LRRC49: variants seen among roughly 807,000 people sequenced by gnomAD.
The protein encoded by LRRC49 is leucine rich repeat containing 49, also known as leucine-rich repeat-containing protein 49.
In LRRC49, 50 loss-of-function variants were observed where a neutral mutation model predicts 83.3. That is an observed-to-expected ratio of 0.60 (90% CI 0.48 to 0.76). LRRC49 has a LOEUF of 0.76. Ranked by LOEUF, LRRC49 falls within the 30% of genes least tolerant of loss-of-function variation. The pLI is 0.00. For synonymous variants in LRRC49, 286 were observed against 283.3 expected (o/e 1.01, Z -0.10); for missense variants, 704 against 809.1 (o/e 0.87, Z 1.58).
At chr15:70,905,289 C>T (rs2034258994) in intron 5 of LRRC49, among the ~76,000 whole-genome samples, 1 of 152,144 alleles carries the variant, frequency 6.6e-6, no homozygotes. Flanking sequence ...GAGATTCATT[C>T]ACTACTTTTC....
intron 8 of LRRC49, among the ~76,000 whole-genome samples, chr15:70,962,456 A>G (rs1292292422): frequency 1.3e-5 from 2 of 152,152 alleles, no homozygotes; most frequent in African/African-American, 2.4e-5. Context: ...CAAGAAGTAC[A>G]CTTAGCCCCC....
At chr15:71,036,941 A>G (rs2039538020) in intron 14 of LRRC49, among the ~76,000 whole-genome samples, 1 of 152,160 alleles carries the variant, frequency 6.6e-6, no homozygotes, top group African/African-American at 2.4e-5. Context: ...CATTTTAGAA[A>G]TGTTTGAGAC....
chr15:70,861,207 A>G (rs935208880), intron 1 of LRRC49, among the ~76,000 whole-genome samples: 2 of 152,194 alleles, frequency 1.3e-5, no homozygotes, highest in Non-Finnish European at 2.9e-5. Flanking sequence ...ATTGAATTAT[A>G]TAACACATGG....
chr15:70,941,743 A>G (rs1041825382), intron 8 of LRRC49, among the ~76,000 whole-genome samples: 7 of 152,290 alleles, frequency 4.6e-5, no homozygotes, highest in African/African-American at 1.4e-4. Context: ...AAAAATACAT[A>G]CAGATACTCT....
chr15:70,880,416 GCA>G (rs998736052), intron 2 of LRRC49, among the ~76,000 whole-genome samples: 26 of 152,182 alleles, frequency 1.7e-4, no homozygotes, highest in African/African-American at 5.1e-4. Context: ...CACTTGTCTG[GCA>G]CAGAGTATAT....
intron 9 of LRRC49, among the ~76,000 whole-genome samples, chr15:70,966,345 G>A (rs1352284299): frequency 6.6e-6 from 1 of 152,082 alleles, no homozygotes; most frequent in African/African-American, 2.4e-5. Flanking sequence ...CTCTGAGACT[G>A]TGGGCAAATT....
At chr15:70,901,126 A>G (rs2034059108) in intron 4 of LRRC49, 102 bp downstream of exon 4, 3 of 662,956 alleles carry the variant, frequency 4.5e-6, no homozygotes, top group Non-Finnish European at 7.7e-6. Flanking sequence ...CCTGTTCCCC[A>G]GTTATTCAAT....
chr15:71,003,880 A>C (rs1042660918), intron 11 of LRRC49, among the ~76,000 whole-genome samples: 1 of 152,164 alleles, frequency 6.6e-6, no homozygotes, highest in South Asian at 2.1e-4. Flanking sequence ...TTATGCCAGC[A>C]TATGGTCTAG....
intron 1 of LRRC49, among the ~76,000 whole-genome samples, chr15:70,872,616 G>A (rs1197067744): frequency 1.1e-4 from 16 of 152,100 alleles, no homozygotes; most frequent in Non-Finnish European, 1.5e-5. Flanking sequence ...GTTGTGATAC[G>A]CTTTAGGGTT....
At chr15:70,877,583 C>T (rs1303425858) in intron 2 of LRRC49, among the ~76,000 whole-genome samples, 1 of 152,034 alleles carries the variant, frequency 6.6e-6, no homozygotes, top group Non-Finnish European at 1.5e-5. Flanking sequence ...TTTCCTTATC[C>T]ACTCACCTGT....
At chr15:70,914,178 A>G (rs1463959806) in intron 6 of LRRC49, among the ~76,000 whole-genome samples, 4 of 152,158 alleles carry the variant, frequency 2.6e-5, no homozygotes, top group African/African-American at 9.7e-5. Flanking sequence ...AAAAATTCAC[A>G]GTATTTCAAA....
intron 9 of LRRC49, among the ~76,000 whole-genome samples, chr15:70,970,757 C>T (rs1016923036): frequency 2.6e-5 from 4 of 152,080 alleles, no homozygotes; most frequent in African/African-American, 4.8e-5. Context: ...TCTAGATTTT[C>T]TAGTTTATTT....
chr15:70,987,250 G>A (rs1488338435), intron 11 of LRRC49, among the ~76,000 whole-genome samples: 1 of 152,174 alleles, frequency 6.6e-6, no homozygotes, highest in Non-Finnish European at 1.5e-5. Flanking sequence ...ATTCGGCTGT[G>A]AATCCATCTG....
intron 7 of LRRC49, among the ~76,000 whole-genome samples, chr15:70,928,153 C>T (rs537057362): frequency 9.2e-5 from 14 of 152,198 alleles, no homozygotes; most frequent in South Asian, 2.1e-4. Flanking sequence ...TCCATCTATT[C>T]GTCTACGTAA....
intron 1 of LRRC49, among the ~76,000 whole-genome samples, chr15:70,870,331 A>T (rs1020955465): frequency 2.0e-5 from 3 of 152,348 alleles, no homozygotes; most frequent in Admixed American, 2.0e-4. Context: ...CACTAGCTCA[A>T]CTGTGGTTTA....
chr15:70,914,686 GA>G (rs1194694812), intron 6 of LRRC49, among the ~76,000 whole-genome samples: 2 of 152,208 alleles, frequency 1.3e-5, no homozygotes, highest in Non-Finnish European at 2.9e-5. Context: ...TTCTAACCTA[GA>G]GCTTGTGTTG....
At chr15:70,909,301 A>C (rs2034449838) in intron 5 of LRRC49, among the ~76,000 whole-genome samples, 1 of 152,220 alleles carries the variant, frequency 6.6e-6, no homozygotes, top group South Asian at 2.1e-4. Context: ...AAGGAGAGTA[A>C]GAGGAACTCA....
chr15:70,978,757 G>A (rs572433931), intron 9 of LRRC49, among the ~76,000 whole-genome samples: 71 of 152,136 alleles, frequency 4.7e-4, no homozygotes, highest in South Asian at 8.3e-4. Context: ...GAGGCAAGAG[G>A]GATAGCACCA....
At chr15:71,029,859 T>C (rs754276287) in intron 14 of LRRC49, among the ~76,000 whole-genome samples, 5 of 152,200 alleles carry the variant, frequency 3.3e-5, no homozygotes, top group Non-Finnish European at 5.9e-5. Flanking sequence ...TTTTTTTGCT[T>C]TCCATTTGCT....
Sources: allele counts gnomAD v4.1 joint callset (sites outside exome capture counted in the v4.1 genomes callset), GRCh38; gene constraint gnomAD v4.1.1; transcripts MANE v1.5; gene names NCBI Gene and HGNC (gene_info 2026-07-23, HGNC 2026-07-21).